Variants in ECHDC1 observed in about 807,000 individuals in gnomAD.
The protein encoded by ECHDC1 is ethylmalonyl-CoA decarboxylase 1.
A neutral mutation model predicts 29.7 loss-of-function variants in ECHDC1; 29 were observed. The observed-to-expected ratio is 0.98, with a 90% CI of 0.73 to 1.33. The LOEUF is 1.33. Among genes scored for constraint, ECHDC1 ranks in the 40% most tolerant of loss-of-function variants. ECHDC1 has a pLI of 0.00. For missense variants in ECHDC1, 328 were observed against 350.0 expected (o/e 0.94, Z 0.50); for synonymous variants, 126 against 123.1 (o/e 1.02, Z -0.15).
chr6:127,302,002 C>T (rs1160105356), intron 5 of ECHDC1, among the ~76,000 whole-genome samples: 1 of 152,148 alleles, frequency 6.6e-6, no homozygotes, highest in Admixed American at 6.5e-5. Context: ...AGCTTCTCAA[C>T]AAAAGCACCT....
intron 3 of ECHDC1, chr6:127,326,524 G>A (rs1220595630): frequency 1.8e-5 from 8 of 453,052 alleles, no homozygotes; most frequent in South Asian, 8.2e-5. Context: ...TAATAAAAGG[G>A]GAAACTGGAT....
At chr6:127,342,422 T>C in intron 1 of ECHDC1, 1 of 1,531,404 alleles carries the variant, frequency 6.5e-7, no homozygotes, top group Middle Eastern at 1.7e-4. Flanking sequence ...ATTGCAGGAA[T>C]CCCAGCTGAT....
rs770887258 is a variant in ECHDC1, at chr6:127,290,309, ACTCT to A, written c.498-36_498-33del. The A allele has an allele frequency of 8.2e-6, 13 of 1,585,956 alleles. No individual in the cohort carries two copies. The highest frequency in any genetic ancestry group is 9.4e-6 in the Non-Finnish European group (11 of 1,166,692). ...AAGAAAAAAGAAAAGCTTAATTGTA[ACTCT>A]CTCTGTATGCTCTAATCATAAAGTA... On this transcript the variant is annotated intron_variant, in intron 5 of 5. Transcript: ENST00000454859.
At chr6:127,315,061 C>A in intron 4 of ECHDC1, 165 bp from the exon 5 acceptor site, 1 of 723,608 alleles carries the variant, frequency 1.4e-6, no homozygotes. Context: ...ACCTTTACAT[C>A]ATGAGAAGAA....
chr6:127,340,610 C>T lies in ECHDC1; in HGVS notation c.-3+2726G>A, dbSNP rs191881997. ...GGTCTTGCTTTTGCCTAGAATATGC[C>T]GTTAATCAGGTATGAAGATACAACC... On this transcript the variant is annotated intron_variant, in intron 1 of 5. Coordinates refer to ENST00000454859, the MANE Select transcript of ECHDC1 (RefSeq NM_001002030.2). Among the ~76,000 whole-genome samples, 1,436 of 152,232 alleles carry T rather than the reference C, an allele frequency of 9.4e-3. 86 individuals carry two copies. Among genetic ancestry groups the T allele is most frequent in the Admixed American group, 0.08 (1,216 of 15,282 alleles).
At chr6:127,299,522 AAAG>A (rs1780891482) in intron 5 of ECHDC1, among the ~76,000 whole-genome samples, 9 of 152,000 alleles carry the variant, frequency 5.9e-5, no homozygotes, top group Admixed American at 5.9e-4. Context: ...GGATATAAAA[AAAG>A]AAAATACTTT....
intron 5 of ECHDC1, among the ~76,000 whole-genome samples, chr6:127,297,885 C>A (rs898165692): frequency 5.3e-5 from 8 of 152,170 alleles, no homozygotes; most frequent in African/African-American, 1.9e-4. Context: ...TTTCTTCTTT[C>A]ACTTATTAAA....
intron 1 of ECHDC1, among the ~76,000 whole-genome samples, chr6:127,334,298 A>T (rs1278604854): frequency 6.6e-6 from 1 of 152,096 alleles, no homozygotes; most frequent in Admixed American, 6.5e-5. Context: ...CAACCCTGTA[A>T]TCTATGCCAG....
intron 3 of ECHDC1, chr6:127,326,600 TTAAAAA>T: frequency 2.5e-6 from 1 of 404,130 alleles, no homozygotes; most frequent in Non-Finnish European, 5.1e-6. Flanking sequence ...TATTCTAAAA[TTAAAAA>T]TATTTTTTAA....
At chr6:127,330,101 G>C (rs952295467) in intron 2 of ECHDC1, among the ~76,000 whole-genome samples, 1 of 152,192 alleles carries the variant, frequency 6.6e-6, no homozygotes, top group African/African-American at 2.4e-5. Context: ...AAATCAACTT[G>C]AAAATAGGAG....
intron 4 of ECHDC1, 164 bp downstream of exon 4, chr6:127,316,284 CAT>C (rs1396828561): frequency 1.7e-6 from 1 of 572,102 alleles, no homozygotes; most frequent in South Asian, 2.2e-5. Flanking sequence ...ACTTCATTAA[CAT>C]GTAATTAAAT....
Position 127,330,813 on chromosome 6 carries a change from A to G in ECHDC1, c.216T>C (p.Phe72=), listed in dbSNP as rs150014513. 242 of 1,612,480 alleles carry G rather than the reference A, an allele frequency of 1.5e-4. 1 individual carries two copies. The African/African-American group carries it at 2.9e-3, about 19-fold the overall frequency. Residue 72 remains phenylalanine, a synonymous_variant, in exon 2 of 6, where the codon TTT becomes TTC. Transcript: ENST00000454859. ...GAATAAAAAGATCCCTAATACCTGA[A>G]AAGGCATTCATTCTACTTGGATTGT... ...TLNNPSRMNA[F]SGVMMLQLLE... is the part of the protein sequence containing the mutation.
intron 5 of ECHDC1, among the ~76,000 whole-genome samples, chr6:127,302,746 A>G (rs1022351915): frequency 1.3e-5 from 2 of 152,150 alleles, no homozygotes; most frequent in Non-Finnish European, 2.9e-5. Flanking sequence ...TTATATTTAT[A>G]TATGTATTGA....
intron 3 of ECHDC1, among the ~76,000 whole-genome samples, chr6:127,318,490 A>C (rs1782575045): frequency 6.6e-6 from 1 of 152,238 alleles, no homozygotes. Flanking sequence ...AGAGAACCTA[A>C]GAAGTTCTCA....
chr6:127,299,041 A>ATTT lies in ECHDC1; in HGVS notation c.498-8767_498-8765dup, dbSNP rs61218636. ...CAGGCGTGTGCCACCATGCCTGGCT[A>ATTT]TTTTTTTTATTTTTTGTGTCTCACT... On this transcript the variant is annotated intron_variant, in intron 5 of 5. Coordinates refer to ENST00000454859, the MANE Select transcript of ECHDC1 (RefSeq NM_001002030.2). 3.5e-3 allele frequency among the ~76,000 whole-genome samples: 533 copies of ATTT among 150,934 alleles called. 3 individuals are homozygous for ATTT. Among genetic ancestry groups the ATTT allele is most frequent in the Non-Finnish European group, 6.1e-3 (411 of 67,714 alleles).
chr6:127,333,666 TACACACACACACACACACACAC>T (rs10523734), intron 1 of ECHDC1, among the ~76,000 whole-genome samples: 44 of 128,134 alleles, frequency 3.4e-4, no homozygotes, highest in Middle Eastern at 8.0e-3. Context: ...CTCTTTCTCT[TACACACACACACACACACACAC>T]ACACACACAC....
intron 5 of ECHDC1, among the ~76,000 whole-genome samples, chr6:127,306,081 A>T (rs901907612): frequency 1.1e-4 from 16 of 152,076 alleles, no homozygotes; most frequent in Non-Finnish European, 5.9e-5. Context: ...ATAAAGACAC[A>T]CGAAGACTGA....
rs190248594 is a variant in ECHDC1 at position 127,290,183 on chromosome 6, C to T, written c.592G>A (p.Gly198Arg). Reference protein sequence around the residue: ...GGTTRLVEIIGSRQALKVLSG... With the variant: ...GGTTRLVEIIRSRQALKVLSG... Reference sequence around the variant, plus strand: ...AACACTTTGAGAGCTTGTCTACTTCCGATTATTTCAACTAGCCGGGTGGTG... The same window carrying T: ...AACACTTTGAGAGCTTGTCTACTTCTGATTATTTCAACTAGCCGGGTGGTG... The change falls in exon 6 of 6, where the codon GGA (glycine) becomes AGA (arginine). Residue 198 changes from glycine (G) to arginine (R), a missense_variant. Coordinates refer to ENST00000454859, the MANE Select transcript of ECHDC1 (RefSeq NM_001002030.2). The T allele has an allele frequency of 3.7e-5, 60 of 1,613,622 alleles. No individual in the cohort carries two copies. The highest frequency in any genetic ancestry group is 4.5e-5 in the East Asian group (2 of 44,836).
intron 5 of ECHDC1, among the ~76,000 whole-genome samples, chr6:127,295,696 A>T (rs182141768): frequency 1.4e-3 from 209 of 152,364 alleles, no homozygotes; most frequent in East Asian, 0.011. Context: ...TTCCTAGAAG[A>T]TAACGTGGCT....
Sources: gnomAD v4.1 joint callset for allele counts (sites outside exome capture counted in the v4.1 genomes callset) on GRCh38, gnomAD v4.1.1 for gene constraint, MANE v1.5 for transcripts, NCBI Gene and HGNC (gene_info 2026-07-23, HGNC 2026-07-21) for gene names.